The following ATL2 variants were observed in gnomAD, a reference collection of about 807,000 sequenced individuals.
ATL2 encodes atlastin GTPase 2, also known as atlastin-2.
A neutral mutation model predicts 73.9 loss-of-function variants in ATL2; 31 were observed. The observed-to-expected ratio is 0.42, with a 90% CI of 0.32 to 0.57. The LOEUF is 0.57. Ranked by LOEUF, ATL2 falls within the 20% of genes least tolerant of loss-of-function variation. The probability of loss-of-function intolerance (pLI) is 0.14; values close to 1 mark genes in which losing one functional copy is unlikely to be tolerated. For synonymous variants in ATL2, 291 were observed against 237.5 expected, an observed-to-expected ratio of 1.23 and a Z score of -2.07; for missense variants, 738 against 702.6, an observed-to-expected ratio of 1.05 and a Z score of -0.57.
At chr2:38,335,726 T>C (rs1219642304) in intron 2 of ATL2, among the ~76,000 whole-genome samples, 1 of 152,168 alleles carries the variant, frequency 6.6e-6, no homozygotes, top group Non-Finnish European at 1.5e-5. Context: ...ACACTTTATG[T>C]ATGTAAGTTA....
At chr2:38,346,707 G>A (rs192566268) in intron 1 of ATL2, among the ~76,000 whole-genome samples, 1 of 152,328 alleles carries the variant, frequency 6.6e-6, no homozygotes, top group East Asian at 1.9e-4. Flanking sequence ...GGGTCTGACA[G>A]GAGGCGAAGC....
upstream of ATL2, chr2:38,377,304 G>T (rs917144649): frequency 1.3e-5 from 19 of 1,473,962 alleles, no homozygotes; most frequent in Non-Finnish European, 1.7e-5. Flanking sequence ...GTCAAACGCC[G>T]CCGCCGCTTT....
At chr2:38,300,880 GA>G (rs60232727) in intron 9 of ATL2, among the ~76,000 whole-genome samples, 4,580 of 103,444 alleles carry the variant, frequency 0.044, 167 homozygotes, top group African/African-American at 0.099. Context: ...GCTCAAGAAG[GA>G]AAAAAAAAAA....
At chr2:38,339,116 T>C (rs1669545173) in intron 2 of ATL2, among the ~76,000 whole-genome samples, 1 of 152,114 alleles carries the variant, frequency 6.6e-6, no homozygotes, top group Non-Finnish European at 1.5e-5. Context: ...CTCAGGAGGC[T>C]GAGGCGAGAT....
chr2:38,377,744 T>C (rs1478162869), upstream of ATL2, among the ~76,000 whole-genome samples: 2 of 147,584 alleles, frequency 1.4e-5, no homozygotes, highest in East Asian at 2.1e-4. Context: ...CGCCCCCTCC[T>C]CATCACAGCC....
chr2:38,339,457 T>C (rs943757345), intron 2 of ATL2, among the ~76,000 whole-genome samples: 1 of 152,114 alleles, frequency 6.6e-6, no homozygotes, highest in Non-Finnish European at 1.5e-5. Flanking sequence ...ATGATAACAT[T>C]AGAAGAAACT....
At chr2:38,354,852 T>C (rs566780020) in intron 1 of ATL2, among the ~76,000 whole-genome samples, 46 of 152,152 alleles carry the variant, frequency 3.0e-4, no homozygotes, top group African/African-American at 1.0e-3. Flanking sequence ...ATTGTGCCAT[T>C]GCACTCCAAC....
intron 1 of ATL2, among the ~76,000 whole-genome samples, chr2:38,348,522 A>G (rs928897809): frequency 1.3e-5 from 2 of 152,168 alleles, no homozygotes; most frequent in South Asian, 2.1e-4. Context: ...CTCAAAAGTA[A>G]TAACTGCTAA....
chr2:38,322,453 T>TGTA (rs375530548), intron 2 of ATL2, among the ~76,000 whole-genome samples: 1 of 152,198 alleles, frequency 6.6e-6, no homozygotes. Flanking sequence ...TTCAATGTAC[T>TGTA]CCCTTTTGAG....
At chr2:38,336,083 T>C (rs1406003695) in intron 2 of ATL2, among the ~76,000 whole-genome samples, 1 of 152,186 alleles carries the variant, frequency 6.6e-6, no homozygotes, top group Admixed American at 6.6e-5. Context: ...TTTAAAAATA[T>C]TGTTCCTCCT....
intron 12 of ATL2, among the ~76,000 whole-genome samples, chr2:38,297,324 T>C (rs771613230): frequency 2.0e-5 from 3 of 152,190 alleles, no homozygotes; most frequent in African/African-American, 4.8e-5. Context: ...AGCCCAAAAA[T>C]GGCATCTCAA....
intron 2 of ATL2, among the ~76,000 whole-genome samples, chr2:38,321,981 T>C (rs1209031433): frequency 6.6e-6 from 1 of 152,160 alleles, no homozygotes; most frequent in Non-Finnish European, 1.5e-5. Flanking sequence ...ATACTCCCCA[T>C]AGATCTCAAC....
At chr2:38,340,168 TGGTGGGGG>T (rs1331341542) in intron 2 of ATL2, among the ~76,000 whole-genome samples, 1 of 3,426 alleles carries the variant, frequency 2.9e-4, no homozygotes, top group African/African-American at 6.4e-4. Context: ...CAGTTAGTTT[TGGTGGGGG>T]GGGGGGGGGG....
chr2:38,337,740 AAATTG>A (rs1379376991), intron 2 of ATL2, among the ~76,000 whole-genome samples: 1 of 151,980 alleles, frequency 6.6e-6, no homozygotes, highest in East Asian at 1.9e-4. Flanking sequence ...TAAGTGCTAA[AAATTG>A]TTTAGTATAT....
chr2:38,304,557 C>T (rs933842099), intron 9 of ATL2, among the ~76,000 whole-genome samples: 2 of 152,032 alleles, frequency 1.3e-5, no homozygotes, highest in Non-Finnish European at 2.9e-5. Context: ...GACTAAAAGA[C>T]GAACCTATAA....
intron 1 of ATL2, among the ~76,000 whole-genome samples, chr2:38,357,082 C>T (rs1670710083): frequency 6.6e-6 from 1 of 152,134 alleles, no homozygotes; most frequent in Admixed American, 6.5e-5. Flanking sequence ...GTAATCCTAG[C>T]ACTTTGGGAG....
At chr2:38,312,131 AG>A (rs1667785957) in intron 7 of ATL2, among the ~76,000 whole-genome samples, 1 of 152,216 alleles carries the variant, frequency 6.6e-6, no homozygotes, top group Admixed American at 6.5e-5. Context: ...TAATGAATAA[AG>A]GGGTCTTTAT....
intron 9 of ATL2, among the ~76,000 whole-genome samples, chr2:38,306,326 A>C (rs992186315): frequency 1.7e-4 from 26 of 152,198 alleles, no homozygotes; most frequent in Non-Finnish European, 3.2e-4. Flanking sequence ...TAAAGAACTA[A>C]TACCAATCCT....
intron 9 of ATL2, among the ~76,000 whole-genome samples, chr2:38,303,685 C>T (rs537246695): frequency 1.3e-5 from 2 of 152,168 alleles, no homozygotes; most frequent in East Asian, 1.9e-4. Flanking sequence ...AAAGAGACAG[C>T]GGTAGAAAGT....
Sources: gnomAD v4.1 joint callset for allele counts (sites outside exome capture counted in the v4.1 genomes callset) on GRCh38, gnomAD v4.1.1 for gene constraint, MANE v1.5 for transcripts, NCBI Gene and HGNC (gene_info 2026-07-23, HGNC 2026-07-21) for gene names.